The following TENM4 variants were observed in gnomAD, a reference collection of about 807,000 sequenced individuals.
The protein encoded by TENM4 is teneurin transmembrane protein 4.
Under a neutral mutation model 243.3 loss-of-function variants are expected in TENM4, and 82 were observed. The ratio of observed to expected loss-of-function variants is 0.34; its 90% CI spans 0.28 to 0.40. TENM4 has a LOEUF of 0.40. Ranked by LOEUF, TENM4 falls within the 10% of genes least tolerant of loss-of-function variation. The probability of loss-of-function intolerance (pLI) is 1.00; values close to 1 mark genes in which losing one functional copy is unlikely to be tolerated. For missense variants in TENM4, 3,138 were observed against 3,673.3 expected (o/e 0.85, Z 3.77); for synonymous variants, 1,412 against 1,456.3 (o/e 0.97, Z 0.69).
chr11:78,738,311 T>C, intron 20 of TENM4, 140 bp downstream of exon 20: 4 of 1,151,554 alleles, frequency 3.5e-6, no homozygotes, highest in Non-Finnish European at 4.8e-6. Flanking sequence ...AATTAGTAAG[T>C]TGCAGAGCTG....
chr11:78,827,781 G>A (rs559472187), intron 12 of TENM4, among the ~76,000 whole-genome samples: 29 of 152,118 alleles, frequency 1.9e-4, no homozygotes, highest in Non-Finnish European at 3.7e-4. Context: ...GAGCCACTGC[G>A]CCCGGCCAAA....
intron 4 of TENM4, among the ~76,000 whole-genome samples, chr11:79,116,294 A>G (rs1342223337): frequency 6.6e-6 from 1 of 152,232 alleles, no homozygotes; most frequent in Admixed American, 6.5e-5. Flanking sequence ...CACTTCACAG[A>G]TGAAGAAAAT....
intron 3 of TENM4, among the ~76,000 whole-genome samples, chr11:79,192,322 A>G (rs1863530414): frequency 1.3e-5 from 2 of 152,232 alleles, no homozygotes; most frequent in South Asian, 4.1e-4. Flanking sequence ...TCTGGAATAC[A>G]AAAGGGGGCA....
chr11:78,906,944 G>A (rs999329038), intron 6 of TENM4, among the ~76,000 whole-genome samples: 20 of 152,178 alleles, frequency 1.3e-4, no homozygotes, highest in African/African-American at 4.8e-4. Flanking sequence ...TTCATGTGGG[G>A]CAATTTGTGT....
chr11:79,197,483 C>T (rs183590087), intron 3 of TENM4, among the ~76,000 whole-genome samples: 1 of 152,124 alleles, frequency 6.6e-6, no homozygotes, highest in East Asian at 1.9e-4. Flanking sequence ...AGCATTAGTC[C>T]CAGGCTGGAT....
At chr11:78,956,846 A>G (rs1857217094) in intron 6 of TENM4, among the ~76,000 whole-genome samples, 2 of 152,212 alleles carry the variant, frequency 1.3e-5, no homozygotes, top group South Asian at 4.1e-4. Flanking sequence ...AGAAATAGTG[A>G]TGTGTTTGAT....
At chr11:79,272,858 A>G (rs1165076344) in intron 2 of TENM4, among the ~76,000 whole-genome samples, 1 of 152,138 alleles carries the variant, frequency 6.6e-6, no homozygotes, top group African/African-American at 2.4e-5. Context: ...CTTTAACTCC[A>G]TCTATATCGT....
intron 1 of TENM4, among the ~76,000 whole-genome samples, chr11:79,364,199 C>T (rs1007954017): frequency 4.6e-5 from 7 of 152,198 alleles, no homozygotes; most frequent in African/African-American, 1.7e-4. Flanking sequence ...TCATTAAACA[C>T]ACACATGCTC....
At chr11:78,743,191 T>C (rs746289417) in intron 19 of TENM4, among the ~76,000 whole-genome samples, 5 of 152,282 alleles carry the variant, frequency 3.3e-5, no homozygotes, top group South Asian at 2.1e-4. Context: ...CCACCTCTCC[T>C]AGGGCATTCA....
chr11:78,688,108 C>T lies in TENM4; in HGVS notation c.5206G>A (p.Val1736Ile), dbSNP rs1427848593. The change falls in exon 29 of 34, where the codon GTC becomes ATC. Residue 1736 changes from valine (V) to isoleucine (I), a missense_variant. By Grantham distance (29) the Val-to-Ile change is conservative. Coordinates refer to ENST00000278550, the MANE Select transcript of TENM4 (RefSeq NM_001098816.3). The stretch of plus-strand genomic sequence containing the variant: ...GCAGACAGGTTGGTGGTTATGGTGA[C>T]ATCATCCTTGCTGGAGGTCTCTACC... ...VQVETSSKDD[V>I]TITTNLSASG... is the part of the protein sequence containing the mutation. 1.2e-6 allele frequency: 2 copies of T among 1,613,946 alleles called. No individual in the cohort carries two copies. Among genetic ancestry groups the T allele is most frequent in the East Asian group, 2.2e-5 (1 of 44,870 alleles).
intron 11 of TENM4, 105 bp from the exon 12 acceptor site, chr11:78,854,419 G>A: frequency 1.9e-6 from 2 of 1,074,976 alleles, no homozygotes; most frequent in Non-Finnish European, 2.5e-6. Context: ...ACAAATAGAG[G>A]CAAAAAGGGC....
At chr11:78,687,928 C>T in intron 29 of TENM4, 126 bp downstream of exon 29, 1 of 1,137,346 alleles carries the variant, frequency 8.8e-7, no homozygotes, top group Non-Finnish European at 1.2e-6. Flanking sequence ...GGTGATAATA[C>T]AGAGAGTTGC....
chr11:79,144,901 T>C (rs921673456), intron 4 of TENM4, among the ~76,000 whole-genome samples: 1 of 152,038 alleles, frequency 6.6e-6, no homozygotes, highest in Non-Finnish European at 1.5e-5. Flanking sequence ...AATAATTTAT[T>C]GTACATTTAA....
At chr11:79,099,516 C>A (rs1861168830) in intron 4 of TENM4, among the ~76,000 whole-genome samples, 1 of 152,108 alleles carries the variant, frequency 6.6e-6, no homozygotes, top group African/African-American at 2.4e-5. Flanking sequence ...ATCATCAGGT[C>A]TACTAATTGC....
chr11:79,395,486 G>C (rs1020264014), intron 1 of TENM4, among the ~76,000 whole-genome samples: 1 of 152,170 alleles, frequency 6.6e-6, no homozygotes, highest in African/African-American at 2.4e-5. Context: ...GGGCATACAG[G>C]GTGCTCTGAG....
chr11:78,901,972 C>T (rs1855938235), intron 7 of TENM4, among the ~76,000 whole-genome samples: 1 of 152,188 alleles, frequency 6.6e-6, no homozygotes, highest in African/African-American at 2.4e-5. Context: ...TGTGCCATTA[C>T]CATAGCTGTG....
rs145875107 is a variant in TENM4, at chr11:78,656,594, C to T, written c.*1464G>A. On this transcript the variant is annotated 3_prime_UTR_variant, in exon 34 of 34. Transcript: ENST00000278550. ...TGAGAGGGCTCAGGCCTCTCCCTGA[C>T]GACACAGGCACAGTTCTTCACAGGA... 120 of 154,006 alleles carry T rather than the reference C, an allele frequency of 7.8e-4. No individual in the cohort carries two copies. The highest frequency in any genetic ancestry group is 4.1e-3 in the South Asian group (20 of 4,840). The allele number at this position is 154,006 out of a possible 1,614,324, so 9.5% of individuals were successfully genotyped here. A position where few individuals can be genotyped will look rare whatever the true frequency, so the allele number is the denominator to read the frequency against.
intron 4 of TENM4, among the ~76,000 whole-genome samples, chr11:79,135,960 C>G (rs1354345518): frequency 6.6e-6 from 1 of 151,766 alleles, no homozygotes; most frequent in Non-Finnish European, 1.5e-5. Context: ...ATTGTATGTT[C>G]TCACTGGTAT....
chr11:78,804,867 G>A (rs1404491405), intron 15 of TENM4, among the ~76,000 whole-genome samples: 1 of 152,116 alleles, frequency 6.6e-6, no homozygotes, highest in Admixed American at 6.5e-5. Flanking sequence ...CACTGAGTTT[G>A]GACTTCATTC....
Sources: allele counts gnomAD v4.1 joint callset (sites outside exome capture counted in the v4.1 genomes callset), GRCh38; gene constraint gnomAD v4.1.1; transcripts MANE v1.5; gene names NCBI Gene and HGNC (gene_info 2026-07-23, HGNC 2026-07-21).